The following COL5A3 variants were observed in gnomAD, a reference collection of about 807,000 sequenced individuals.
COL5A3 encodes the protein collagen alpha-3(V) chain.
Under a neutral mutation model 250.0 loss-of-function variants are expected in COL5A3, and 172 were observed. The ratio of observed to expected loss-of-function variants is 0.69; its 90% confidence interval spans 0.61 to 0.78. The LOEUF (loss-of-function observed/expected upper bound fraction) is 0.78, where lower values mean the gene tolerates loss of function less well. COL5A3 is among the 30% of genes least tolerant of loss of function. The probability of loss-of-function intolerance (pLI) is 0.00; values close to 1 mark genes in which losing one functional copy is unlikely to be tolerated. For synonymous variants in COL5A3, 937 were observed against 900.4 expected (o/e 1.04, Z -0.73); for missense variants, 2,340 against 2,334.4 (o/e 1.00, Z -0.05).
intron 27 of COL5A3, among the ~76,000 whole-genome samples, chr19:9,988,500 G>A (rs750731641): frequency 6.6e-6 from 1 of 152,044 alleles, no homozygotes; most frequent in African/African-American, 2.4e-5. Flanking sequence ...GCTTAACCCA[G>A]CATACTGTGC....
rs8113693 is a variant in COL5A3 at position 9,986,860 on chromosome 19, G to A, written c.2146-102C>T. 7 of 1,309,538 alleles carry A rather than the reference G, an allele frequency of 5.3e-6. No individual in the cohort carries two copies. The South Asian group carries it at 7.5e-5, about 14-fold the overall frequency. 81.1% of individuals were successfully genotyped at this position (1,309,538 alleles called of 1,614,324 possible). ...AGCAGCCAGGATAGTCCCAAGAGGA[G>A]GCTAGGCAGAAGCTGGGAGGGGCAG... On this transcript the variant is annotated intron_variant, in intron 27 of 66. Transcript: ENST00000264828.
At chr19:9,986,446 A>G (rs776565621) in intron 29 of COL5A3, 24 bp from the exon 30 acceptor site, 1 of 1,611,138 alleles carries the variant, frequency 6.2e-7, no homozygotes, top group Admixed American at 1.7e-5. Context: ...GAGAGTATTT[A>G]ATATCCATCT....
intron 1 of COL5A3, among the ~76,000 whole-genome samples, chr19:10,008,865 T>G (rs932583530): frequency 1.3e-5 from 2 of 151,314 alleles, no homozygotes; most frequent in African/African-American, 4.9e-5. Context: ...AGTGGGTGAG[T>G]GGGTGATGGG....
In COL5A3 at chr19:9,969,589, T is replaced by C. The variant is rs569793920; in HGVS notation, c.4084A>G (p.Ile1362Val). The change falls in exon 56 of 67, where the codon ATC (isoleucine) becomes GTC (valine). Residue 1362 changes from isoleucine (I) to valine (V), a missense_variant. Physicochemically the swap from Ile to Val is conservative, Grantham distance 29 (BLOSUM62 3). Transcript: ENST00000264828. ...GRVGPEGLRG[I>V]PGPVGEPGLL... Reference sequence around the variant, plus strand: ...GCTCCACTCACCACAGGGCCAGGGATCCCTCGAAGACCCTCAGGCCCCACA... The same window carrying C: ...GCTCCACTCACCACAGGGCCAGGGACCCCTCGAAGACCCTCAGGCCCCACA... The C allele has an allele frequency of 1.1e-5, 17 of 1,610,518 alleles. No homozygotes were observed. Among genetic ancestry groups the C allele is most frequent in the African/African-American group, 2.7e-5 (2 of 74,732 alleles).
At chr19:9,998,238 A>ACG in intron 8 of COL5A3, 89 bp from the exon 9 acceptor site, 1 of 1,127,584 alleles carries the variant, frequency 8.9e-7, no homozygotes, top group Non-Finnish European at 1.3e-6. Context: ...ACTTGCACAC[A>ACG]CACACACACA....
At position 9,979,251 on chromosome 19, in the gene COL5A3, G is replaced by A. The variant is rs376372708; in HGVS notation, c.2767-12C>T. ...TCTCCTGTCTTTCCCTGGTGAGGAA[G>A]AAGGCTCCTGTTGAGTGGGGGTGGC... On this transcript the variant is annotated splice_polypyrimidine_tract_variant and intron_variant, in intron 38 of 66. Transcript: ENST00000264828. The A allele has an allele frequency of 1.2e-6, 2 of 1,606,074 alleles. No homozygotes were observed. Among genetic ancestry groups the A allele is most frequent in the Non-Finnish European group, 8.5e-7 (1 of 1,174,838 alleles).
intron 64 of COL5A3, among the ~76,000 whole-genome samples, chr19:9,964,540 G>A (rs956208894): frequency 6.6e-6 from 1 of 152,118 alleles, no homozygotes; most frequent in South Asian, 2.1e-4. Flanking sequence ...GGAGGTTAAG[G>A]CTGCAGTGAG....
intron 4 of COL5A3, 104 bp downstream of exon 4, chr19:10,005,454 G>T: frequency 4.1e-6 from 5 of 1,208,406 alleles, no homozygotes; most frequent in Non-Finnish European, 6.0e-6. Flanking sequence ...CCTGGGGATA[G>T]ATTGAAGCTT....
chr19:10,010,169 T>A (rs2087508716), intron 1 of COL5A3, 129 bp downstream of exon 1: 3 of 272,748 alleles, frequency 1.1e-5, no homozygotes, highest in East Asian at 2.4e-4. Context: ...TGCGCCCACA[T>A]CACACCGGGG....
At position 9,974,380 on chromosome 19, in the gene COL5A3, C is replaced by T. The variant is rs958016302; in HGVS notation, c.3371G>A (p.Gly1124Glu). 34 of 1,607,398 alleles carry T rather than the reference C, an allele frequency of 2.1e-5. No individual in the cohort carries two copies. Among genetic ancestry groups the T allele is most frequent in the Non-Finnish European group, 2.8e-5 (33 of 1,177,176 alleles). The change falls in exon 46 of 67, where the codon GGA (glycine) becomes GAA (glutamate). Residue 1124 changes from glycine (G) to glutamate (E), a missense_variant. Gly to Glu is a moderately conservative substitution (Grantham distance 98, BLOSUM62 -2). This residue lies in a region of COL5A3 where 1,179 missense variants were observed against 1,162.6 expected (regional missense o/e 1.01). Transcript: ENST00000264828. The part of the protein sequence containing the change: ...PGADGAQGRR[G>E]PPGLFGQKGD... ...TTTCTGCCCAAAGAGGCCTGGGGGTCCCCGGCGCCCCTGAGCCCCGTCTGC... is the reference window on the plus strand; with the variant it reads ...TTTCTGCCCAAAGAGGCCTGGGGGTTCCCGGCGCCCCTGAGCCCCGTCTGC...
chr19:9,963,561 T>TGG (rs1555733033), intron 64 of COL5A3, among the ~76,000 whole-genome samples: 83 of 40,114 alleles, frequency 2.1e-3, no homozygotes, highest in African/African-American at 4.5e-3. Flanking sequence ...CTGTTTTTTT[T>TGG]GGGGGGGGGG....
intron 30 of COL5A3, 69 bp from the exon 31 acceptor site, chr19:9,985,964 G>T: frequency 6.9e-7 from 1 of 1,446,086 alleles, no homozygotes. Context: ...AGGTCAGGCT[G>T]GCTGGGGCAT....
intron 51 of COL5A3, among the ~76,000 whole-genome samples, chr19:9,971,673 A>T (rs1042241601): frequency 9.9e-5 from 15 of 151,286 alleles, no homozygotes; most frequent in Admixed American, 8.6e-4. Context: ...CCCCTTCCTG[A>T]CCTCCACCCG....
chr19:9,996,909 A>G (rs943885653), intron 11 of COL5A3: 25 of 562,468 alleles, frequency 4.4e-5, no homozygotes, highest in Admixed American at 3.3e-4. Context: ...AAGGGGAGAG[A>G]GGGATGGAGA....
intron 1 of COL5A3, among the ~76,000 whole-genome samples, chr19:10,006,514 C>A (rs2087446598): frequency 6.6e-6 from 1 of 152,064 alleles, no homozygotes; most frequent in Middle Eastern, 3.4e-3. Flanking sequence ...TGGGATGAAT[C>A]AAAACTTCCT....
intron 64 of COL5A3, among the ~76,000 whole-genome samples, chr19:9,963,667 G>C (rs2086702088): frequency 6.6e-6 from 1 of 151,770 alleles, no homozygotes; most frequent in Non-Finnish European, 1.5e-5. Flanking sequence ...CCAAAGTGCT[G>C]GGATTACAGG....
Position 9,968,362 on chromosome 19 carries a change from C to G in COL5A3, c.4314+23G>C. On this transcript the variant is annotated intron_variant, in intron 59 of 66. Coordinates refer to ENST00000264828, the MANE Select transcript of COL5A3 (RefSeq NM_015719.4). This position sits in a 1 kb window ranked among gnomAD's most constrained non-coding sequence, Gnocchi z 4.1. ...GACCCCCTCCTTCAAATGCATTCTT[C>G]CCGCTCAGGTCAGGACACTCACAGG... 6.7e-7 allele frequency: 1 copy of G among 1,500,882 alleles called. No homozygotes were observed. The highest frequency in any genetic ancestry group is 9.2e-7 in the Non-Finnish European group (1 of 1,088,950). 93.0% of individuals were successfully genotyped at this position (1,500,882 alleles called of 1,614,324 possible).
At chr19:9,981,019 C>T in intron 33 of COL5A3, 69 bp downstream of exon 33, 1 of 1,563,512 alleles carries the variant, frequency 6.4e-7, no homozygotes, top group Non-Finnish European at 8.8e-7. Flanking sequence ...GATGACCTCT[C>T]CACTACCTTT....
At position 9,996,466 on chromosome 19, in the gene COL5A3, C is replaced by T; in HGVS notation, c.1389G>A (p.Gln463=). The T allele has an allele frequency of 6.2e-7, 1 of 1,614,128 alleles. No individual in the cohort carries two copies. The highest frequency in any genetic ancestry group is 1.1e-5 in the South Asian group (1 of 91,070). Residue 463 remains glutamine (Q), a synonymous_variant, in exon 13 of 67, where the codon CAG becomes CAA. Transcript: ENST00000264828. ...GCTGCAGAACTGCCTGAGCCTGGGC[C>T]TGCTGGAATGAGACTGGGGGGCCTT... is the stretch of plus-strand genomic sequence containing the variant. ...SFKGPPVSFQ[Q]AQAQAVLQQT... is the part of the protein sequence containing the mutation.
Sources: allele counts gnomAD v4.1 joint callset (sites outside exome capture counted in the v4.1 genomes callset), GRCh38; gene constraint gnomAD v4.1.1; regional missense constraint gnomAD v4.1.1; non-coding constraint Gnocchi (gnomAD v3.1); transcripts MANE v1.5; gene names NCBI Gene and HGNC (gene_info 2026-07-23, HGNC 2026-07-21).